The following MYO5B variants were observed in gnomAD, a reference collection of about 807,000 sequenced individuals.
MYO5B encodes the protein myosin VB.
MYO5B carries 143 observed loss-of-function variants against 229.3 expected under a neutral mutation model. The observed-to-expected ratio is 0.62, with a 90% CI of 0.54 to 0.72. The LOEUF is 0.72. MYO5B is among the 30% of genes least tolerant of loss of function. The pLI is 0.00. For missense variants in MYO5B, 2,321 were observed against 2,331.0 expected (o/e 1.00, Z 0.09); for synonymous variants, 918 against 885.2 (o/e 1.04, Z -0.66).
intron 1 of MYO5B, among the ~76,000 whole-genome samples, chr18:50,065,794 G>A (rs1441722970): frequency 3.3e-5 from 5 of 152,136 alleles, no homozygotes; most frequent in Non-Finnish European, 2.9e-5. Flanking sequence ...GTGGGTCATC[G>A]GGAAAGGCCT....
intron 10 of MYO5B, among the ~76,000 whole-genome samples, chr18:49,971,287 C>T (rs1232578038): frequency 1.3e-5 from 2 of 151,938 alleles, no homozygotes; most frequent in African/African-American, 4.8e-5. Flanking sequence ...AGTGTGATGC[C>T]CACTTCCAGG....
At chr18:49,876,949 C>G (rs1374030509) in intron 25 of MYO5B, among the ~76,000 whole-genome samples, 4 of 152,242 alleles carry the variant, frequency 2.6e-5, no homozygotes, top group South Asian at 2.1e-4. Flanking sequence ...TCTTCCCTAA[C>G]TGCTCACTGA....
chr18:49,974,752 G>T, intron 9 of MYO5B, 137 bp from the exon 10 acceptor site: 1 of 732,254 alleles, frequency 1.4e-6, no homozygotes, highest in Non-Finnish European at 2.1e-6. Flanking sequence ...CCCAGCACAT[G>T]CCCTGCTGCC....
intron 1 of MYO5B, among the ~76,000 whole-genome samples, chr18:50,185,280 A>G (rs1371707427): frequency 1.3e-5 from 2 of 151,744 alleles, no homozygotes; most frequent in Non-Finnish European, 2.9e-5. Flanking sequence ...TTTAGTATGA[A>G]TAAGAATTTA....
chr18:50,134,522 T>C (rs1449059818), intron 1 of MYO5B, among the ~76,000 whole-genome samples: 1 of 151,364 alleles, frequency 6.6e-6, no homozygotes, highest in Non-Finnish European at 1.5e-5. Context: ...GCCATTGCAC[T>C]CCAGCCTGGG....
At chr18:49,916,850 T>C (rs377455484) in intron 17 of MYO5B, among the ~76,000 whole-genome samples, 2 of 152,184 alleles carry the variant, frequency 1.3e-5, no homozygotes, top group South Asian at 2.1e-4. Flanking sequence ...CCCTCAGAGA[T>C]AAAACTCTCC....
intron 30 of MYO5B, among the ~76,000 whole-genome samples, chr18:49,854,898 AG>A (rs2024243187): frequency 6.6e-6 from 1 of 152,220 alleles, no homozygotes; most frequent in South Asian, 2.1e-4. Flanking sequence ...TCAGCTCCAT[AG>A]CAGCACTGGG....
At chr18:50,184,815 G>A (rs958258695) in intron 1 of MYO5B, among the ~76,000 whole-genome samples, 11 of 151,872 alleles carry the variant, frequency 7.2e-5, no homozygotes, top group Non-Finnish European at 1.6e-4. Context: ...GAGGTGGGAG[G>A]ATCACTTGAG....
At chr18:49,978,096 T>C (rs546588010) in intron 9 of MYO5B, among the ~76,000 whole-genome samples, 13 of 152,194 alleles carry the variant, frequency 8.5e-5, no homozygotes, top group Non-Finnish European at 1.6e-4. Context: ...TGGAACTTCC[T>C]GCCGCCTAGC....
chr18:49,953,287 C>T lies in MYO5B; in HGVS notation c.1725G>A (p.Glu575=). ...TGCTGGCCTTCAGGATATTGATCTG[C>T]TCTTCATACACCGTGTCTCTGTTTT... ...LEKNRDTVYE[E]QINILKASKF... is the part of the protein sequence containing the mutation. Residue 575 remains glutamate, a synonymous_variant, in exon 14 of 40, where the codon GAG becomes GAA. Coordinates refer to ENST00000285039, the MANE Select transcript of MYO5B (RefSeq NM_001080467.3). 2 of 1,614,190 alleles carry T rather than the reference C, an allele frequency of 1.2e-6. No homozygotes were observed. The highest frequency in any genetic ancestry group is 1.7e-6 in the Non-Finnish European group (2 of 1,180,028).
intron 4 of MYO5B, among the ~76,000 whole-genome samples, chr18:50,011,465 G>T (rs1054998461): frequency 6.6e-6 from 1 of 152,054 alleles, no homozygotes; most frequent in Non-Finnish European, 1.5e-5. Context: ...ATGCTCAACT[G>T]CCCACTGGAC....
intron 34 of MYO5B, among the ~76,000 whole-genome samples, chr18:49,842,201 T>C (rs8094953): frequency 0.084 from 12,724 of 152,172 alleles, 999 homozygotes; most frequent in East Asian, 0.3. Flanking sequence ...AAGTGACATT[T>C]GTGTCAGCCC....
intron 22 of MYO5B, among the ~76,000 whole-genome samples, chr18:49,893,184 A>T (rs1486438690): frequency 6.6e-6 from 1 of 152,176 alleles, no homozygotes; most frequent in East Asian, 1.9e-4. Flanking sequence ...CTGATGAGTC[A>T]AGTGCTATCT....
rs564843470 is a variant in MYO5B at position 49,843,069 on chromosome 18, T to C, written c.4611+172A>G. ...ATTGCTGGGCCTGAGCATCCTTCTC[T>C]GGGAACTGCCAGGCATCCTGGTTAT... On this transcript the variant is annotated intron_variant, in intron 34 of 39. Transcript: ENST00000285039. Among the ~76,000 whole-genome samples the C allele has an allele frequency of 4.6e-5, 7 of 152,342 alleles. No homozygotes were observed. In the South Asian group the frequency reaches 1.0e-3, roughly 23 times the overall value.
chr18:50,169,777 G>GC (rs2032900948), intron 1 of MYO5B, among the ~76,000 whole-genome samples: 1 of 127,548 alleles, frequency 7.8e-6, no homozygotes, highest in Non-Finnish European at 1.7e-5. Flanking sequence ...CCTGAAGTCT[G>GC]AAAAGATTTC....
At chr18:49,921,738 C>T (rs745979594) in intron 17 of MYO5B, among the ~76,000 whole-genome samples, 13 of 152,226 alleles carry the variant, frequency 8.5e-5, no homozygotes, top group East Asian at 3.9e-4. Flanking sequence ...TCCAGGGCAT[C>T]GGTAGGCTGG....
rs1348762028 is a variant in MYO5B at position 49,823,436 on chromosome 18, C to G, written c.*3035G>C. Reference sequence around the variant, plus strand: ...GGACACCCTTGCTGTCTTAGTAGGTCAAGTGTATGAAAATTTACTTTATGC... The same window carrying G: ...GGACACCCTTGCTGTCTTAGTAGGTGAAGTGTATGAAAATTTACTTTATGC... On this transcript the variant is annotated 3_prime_UTR_variant, in exon 40 of 40. Transcript: ENST00000285039. 1 of 152,326 alleles carries G rather than the reference C, an allele frequency of 6.6e-6. No individual in the cohort carries two copies. The highest frequency in any genetic ancestry group is 1.5e-5 in the Non-Finnish European group (1 of 68,068). The allele number at this position is 152,326 out of a possible 1,614,324, so 9.4% of individuals were successfully genotyped here. A position where few individuals can be genotyped will look rare whatever the true frequency, so the allele number is the denominator to read the frequency against.
intron 1 of MYO5B, among the ~76,000 whole-genome samples, chr18:50,112,278 C>G (rs181180894): frequency 6.6e-6 from 1 of 152,132 alleles, no homozygotes; most frequent in Non-Finnish European, 1.5e-5. Flanking sequence ...ATAACTGTAG[C>G]GAACCAACAA....
At chr18:50,122,439 TAAAAAAAAA>T (rs71169481) in intron 1 of MYO5B, among the ~76,000 whole-genome samples, 1 of 41,878 alleles carries the variant, frequency 2.4e-5, no homozygotes, top group Non-Finnish European at 3.9e-5. Context: ...CTGTCTCAAC[TAAAAAAAAA>T]AAAAAAAAAA....
Sources: allele counts gnomAD v4.1 joint callset (sites outside exome capture counted in the v4.1 genomes callset), GRCh38; gene constraint gnomAD v4.1.1; transcripts MANE v1.5; gene names NCBI Gene and HGNC (gene_info 2026-07-23, HGNC 2026-07-21).